The following VRK1 variants were observed in gnomAD, a reference collection of about 807,000 sequenced individuals.
VRK1 encodes the protein serine/threonine-protein kinase VRK1.
A neutral mutation model predicts 57.1 loss-of-function variants in VRK1; 33 were observed. The observed-to-expected ratio is 0.58, with a 90% CI of 0.44 to 0.77. The LOEUF is 0.77. Ranked by LOEUF, VRK1 falls within the 30% of genes least tolerant of loss-of-function variation. The probability of loss-of-function intolerance (pLI) is 0.00; values close to 1 mark genes in which losing one functional copy is unlikely to be tolerated. For synonymous variants in VRK1, 137 were observed against 147.8 expected, an observed-to-expected ratio of 0.93 and a Z score of 0.53; for missense variants, 413 against 477.3, an observed-to-expected ratio of 0.87 and a Z score of 1.25.
At chr14:96,862,223 G>A (rs963449444) in intron 11 of VRK1, among the ~76,000 whole-genome samples, 24 of 152,284 alleles carry the variant, frequency 1.6e-4, no homozygotes, top group African/African-American at 5.8e-4. Flanking sequence ...GCTAACATCT[G>A]TGACCTTATA....
chr14:96,830,883 G>A (rs752548989), intron 1 of VRK1, among the ~76,000 whole-genome samples: 3 of 151,978 alleles, frequency 2.0e-5, no homozygotes, highest in African/African-American at 4.8e-5. Context: ...TCCTTTCTTC[G>A]TATTATCCTT....
chr14:96,842,250 T>C (rs1223058263), intron 3 of VRK1, among the ~76,000 whole-genome samples: 5 of 152,194 alleles, frequency 3.3e-5, no homozygotes, highest in African/African-American at 1.2e-4. Flanking sequence ...GTCTGTACCA[T>C]AGAGAGCAGG....
intron 1 of VRK1, among the ~76,000 whole-genome samples, chr14:96,830,500 A>G (rs1886962688): frequency 2.6e-5 from 4 of 151,668 alleles, no homozygotes; most frequent in African/African-American, 2.4e-5. Flanking sequence ...ATTTTCAATT[A>G]TTCTGTCATC....
At chr14:96,858,258 A>G (rs1229396180) in intron 10 of VRK1, among the ~76,000 whole-genome samples, 1 of 151,954 alleles carries the variant, frequency 6.6e-6, no homozygotes, top group Non-Finnish European at 1.5e-5. Context: ...CACCTGGCTA[A>G]TTAAAAATTT....
intron 10 of VRK1, among the ~76,000 whole-genome samples, chr14:96,857,560 G>GTC (rs1888214901): frequency 6.6e-6 from 1 of 152,150 alleles, no homozygotes; most frequent in South Asian, 2.1e-4. Context: ...GAGGGGAAGG[G>GTC]TCTCCTGCTT....
intron 11 of VRK1, among the ~76,000 whole-genome samples, chr14:96,868,641 G>T (rs1357215181): frequency 6.6e-6 from 1 of 152,094 alleles, no homozygotes; most frequent in East Asian, 1.9e-4. Flanking sequence ...AGGAAATTTG[G>T]TGTCATATAA....
At chr14:96,876,007 C>T (rs989326667) in intron 11 of VRK1, 23 bp from the exon 12 acceptor site, 1 of 1,609,352 alleles carries the variant, frequency 6.2e-7, no homozygotes, top group Non-Finnish European at 8.5e-7. Flanking sequence ...ATCTCTCTCT[C>T]TCTCTTTAAT....
chr14:96,813,243 T>C (rs2139700828), intron 1 of VRK1, among the ~76,000 whole-genome samples: 1 of 152,248 alleles, frequency 6.6e-6, no homozygotes, highest in East Asian at 1.9e-4. Flanking sequence ...TGCTCGGTGC[T>C]GACTGGGATT....
intron 5 of VRK1, 84 bp from the exon 6 acceptor site, chr14:96,852,747 A>G: frequency 1.0e-6 from 1 of 964,682 alleles, no homozygotes; most frequent in East Asian, 2.5e-5. Context: ...CATTGTCTTG[A>G]AAAAATTACT....
intron 1 of VRK1, among the ~76,000 whole-genome samples, chr14:96,827,263 G>T (rs184992930): frequency 6.6e-6 from 1 of 151,900 alleles, no homozygotes. Context: ...TTATATACTC[G>T]AGCCAGACCT....
chr14:96,870,840 T>A (rs977598954), intron 11 of VRK1, among the ~76,000 whole-genome samples: 1 of 152,158 alleles, frequency 6.6e-6, no homozygotes, highest in African/African-American at 2.4e-5. Flanking sequence ...TCTAGGAGAA[T>A]GGATGACAGT....
At chr14:96,869,733 A>G (rs1888738351) in intron 11 of VRK1, among the ~76,000 whole-genome samples, 1 of 152,132 alleles carries the variant, frequency 6.6e-6, no homozygotes, top group South Asian at 2.1e-4. Context: ...ATAGTACTTG[A>G]CATAAAGCAG....
chr14:96,875,800 A>G (rs971283162), intron 11 of VRK1, among the ~76,000 whole-genome samples: 1 of 152,158 alleles, frequency 6.6e-6, no homozygotes, highest in Non-Finnish European at 1.5e-5. Flanking sequence ...AAATATATCT[A>G]CCATCTGGGT....
chr14:96,867,327 T>C (rs1469688963), intron 11 of VRK1, among the ~76,000 whole-genome samples: 2 of 152,196 alleles, frequency 1.3e-5, no homozygotes, highest in South Asian at 2.1e-4. Context: ...TTGAAGACAT[T>C]GCTTTGTTGC....
Position 96,876,100 on chromosome 14 carries a change from C to T in VRK1, c.1139C>T (p.Thr380Ile). The T allele has an allele frequency of 6.2e-7, 1 of 1,613,592 alleles. No homozygotes were observed. The highest frequency in any genetic ancestry group is 8.5e-7 in the Non-Finnish European group (1 of 1,179,656). The change falls in exon 12 of 13, where the codon ACA becomes ATA. Residue 380 changes from threonine to isoleucine, a missense_variant. This residue lies in a region of VRK1 where 146 missense variants were observed against 138.2 expected (regional missense o/e 1.06). Coordinates refer to ENST00000216639, the MANE Select transcript of VRK1 (RefSeq NM_003384.3). ...GATACGGAATGGTCAAACACACAGA[C>T]AGAGGAGGCCATACAGACCCGTAAG... The part of the protein sequence containing the change: ...VEDTEWSNTQ[T>I]EEAIQTRSRT...
chr14:96,863,077 T>C (rs951066457), intron 11 of VRK1, among the ~76,000 whole-genome samples: 1 of 152,220 alleles, frequency 6.6e-6, no homozygotes, highest in Admixed American at 6.5e-5. Flanking sequence ...ATTTGGAAAC[T>C]AGAGTGAAAC....
intron 8 of VRK1, among the ~76,000 whole-genome samples, chr14:96,855,729 A>G (rs1301929255): frequency 6.6e-6 from 1 of 152,172 alleles, no homozygotes; most frequent in Non-Finnish European, 1.5e-5. Flanking sequence ...CTGTTAAGTT[A>G]GTTTATTTCT....
At chr14:96,807,992 T>TCCCTCTCC in intron 1 of VRK1, among the ~76,000 whole-genome samples, 1 of 57,512 alleles carries the variant, frequency 1.7e-5, no homozygotes, top group Admixed American at 1.8e-4. Context: ...TCTCCCTCTC[T>TCCCTCTCC]CCCTCTCTCC....
intron 7 of VRK1, among the ~76,000 whole-genome samples, chr14:96,854,898 G>A (rs1888089459): frequency 6.6e-6 from 1 of 152,118 alleles, no homozygotes; most frequent in African/African-American, 2.4e-5. Context: ...GAGTCTGTAA[G>A]ATAAAGTATA....
Sources: allele counts gnomAD v4.1 joint callset (sites outside exome capture counted in the v4.1 genomes callset), GRCh38; gene constraint gnomAD v4.1.1; regional missense constraint gnomAD v4.1.1; transcripts MANE v1.5; gene names NCBI Gene and HGNC (gene_info 2026-07-23, HGNC 2026-07-21).